Variants in INPP4A observed in about 807,000 individuals in gnomAD.
The protein encoded by INPP4A is inositol polyphosphate-4-phosphatase, type I, 107kD.
INPP4A carries 33 observed loss-of-function variants against 119.8 expected under a neutral mutation model. The observed-to-expected ratio is 0.28, with a 90% CI of 0.21 to 0.37. INPP4A has a LOEUF of 0.37. INPP4A is among the 10% of genes least tolerant of loss of function. The pLI, the probability that INPP4A is intolerant of heterozygous loss-of-function variation, is 1.00. For missense variants in INPP4A, 956 were observed against 1,289.9 expected, an observed-to-expected ratio of 0.74 and a Z score of 3.97; for synonymous variants, 496 against 500.7, an observed-to-expected ratio of 0.99 and a Z score of 0.12.
intron 1 of INPP4A, among the ~76,000 whole-genome samples, chr2:98,455,710 C>G (rs1696024295): frequency 6.6e-6 from 1 of 152,220 alleles, no homozygotes; most frequent in Non-Finnish European, 1.5e-5. Context: ...AAGACACACA[C>G]ACACATACAA....
At chr2:98,545,368 T>C (rs1692283498) in intron 11 of INPP4A, among the ~76,000 whole-genome samples, 1 of 152,218 alleles carries the variant, frequency 6.6e-6, no homozygotes, top group Non-Finnish European at 1.5e-5. Context: ...TAAAATAGCG[T>C]CCAGGCTCCT....
At position 98,574,893 on chromosome 2, in the gene INPP4A, C is replaced by T. The variant is rs112534197; in HGVS notation, c.2631+1966C>T. ...AGAACAGAAAAGCAGTCCATCAAGT[C>T]CTGTATTTCTTGTTCCCAGTAGAGA... On this transcript the variant is annotated intron_variant, in intron 23 of 24. Transcript: ENST00000409851. 4.5e-3 allele frequency among the ~76,000 whole-genome samples: 683 copies of T among 152,288 alleles called. 10 individuals carry two copies. Among genetic ancestry groups the T allele is most frequent in the African/African-American group, 0.016 (659 of 41,536 alleles).
chr2:98,453,104 G>T (rs1695516515), intron 1 of INPP4A, among the ~76,000 whole-genome samples: 1 of 152,148 alleles, frequency 6.6e-6, no homozygotes, highest in Admixed American at 6.5e-5. Flanking sequence ...CACCTCCACG[G>T]TGTAATTTGT....
intron 1 of INPP4A, among the ~76,000 whole-genome samples, chr2:98,453,297 A>G (rs112374252): frequency 1.3e-5 from 2 of 152,236 alleles, no homozygotes; most frequent in South Asian, 2.1e-4. Context: ...AGGAGGAAAC[A>G]TGCTAGAGAA....
At chr2:98,512,678 C>G (rs1359027587) in intron 1 of INPP4A, among the ~76,000 whole-genome samples, 1 of 152,182 alleles carries the variant, frequency 6.6e-6, no homozygotes, top group Admixed American at 6.5e-5. Flanking sequence ...TCCTCGTGTC[C>G]TAATCACCTC....
At chr2:98,474,995 T>C (rs1676909047) in intron 1 of INPP4A, among the ~76,000 whole-genome samples, 1 of 152,142 alleles carries the variant, frequency 6.6e-6, no homozygotes, top group Non-Finnish European at 1.5e-5. Context: ...ATCAGAAGTT[T>C]TTTTTCTTTG....
At position 98,476,044 on chromosome 2, in the gene INPP4A, A is replaced by G. The variant is rs558221145; in HGVS notation, c.-166+30959A>G. ...TAGCTTTGTGGTAACAAGTCTTTGC[A>G]ATGTGATTTTGCCTATGTTTTTCTC... On this transcript the variant is annotated intron_variant, in intron 1 of 24. Transcript: ENST00000409851. Among the ~76,000 whole-genome samples the G allele has an allele frequency of 6.6e-5, 10 of 152,346 alleles. No homozygotes were observed. In the South Asian group the frequency reaches 2.1e-3, roughly 32 times the overall value.
intron 16 of INPP4A, among the ~76,000 whole-genome samples, chr2:98,557,950 C>T (rs1158259267): frequency 6.6e-6 from 1 of 152,164 alleles, no homozygotes; most frequent in Non-Finnish European, 1.5e-5. Flanking sequence ...CTCCTCATAC[C>T]CAAAGAGATG....
At chr2:98,531,212 G>A (rs1414220233) in intron 4 of INPP4A, among the ~76,000 whole-genome samples, 5 of 151,980 alleles carry the variant, frequency 3.3e-5, no homozygotes, top group African/African-American at 1.2e-4. Flanking sequence ...AACTTTAGGG[G>A]GACACAAACA....
Position 98,445,005 on chromosome 2 carries a change from G to C in INPP4A, c.-246G>C, listed in dbSNP as rs1477570403. On this transcript the variant is annotated 5_prime_UTR_variant, in exon 1 of 25. Coordinates refer to ENST00000409851, the MANE Select transcript of INPP4A (RefSeq NM_001134225.2). ...CCCGCGACTTCACAGCCAGGCGGCG[G>C]CGCTGCTGCTGCTGCGGGGCTCTGG... is the stretch of plus-strand genomic sequence containing the variant. 2 of 150,082 alleles carry C rather than the reference G, an allele frequency of 1.3e-5. No homozygotes were observed. Among genetic ancestry groups the C allele is most frequent in the Non-Finnish European group, 1.5e-5 (1 of 67,196 alleles). The allele number at this position is 150,082 out of a possible 1,614,324, so 9.3% of individuals were successfully genotyped here. A position where few individuals can be genotyped will look rare whatever the true frequency, so the allele number is the denominator to read the frequency against.
At chr2:98,504,873 A>C (rs544100287) in intron 1 of INPP4A, among the ~76,000 whole-genome samples, 1 of 152,178 alleles carries the variant, frequency 6.6e-6, no homozygotes. Flanking sequence ...TGTGGTGTTA[A>C]TCTTCAGTGC....
intron 24 of INPP4A, chr2:98,581,476 CCT>C (rs1291272899): frequency 3.8e-5 from 45 of 1,173,124 alleles, no homozygotes; most frequent in African/African-American, 4.8e-5. Flanking sequence ...TTTATCCCAT[CCT>C]TTTTGATAAA....
chr2:98,483,724 C>T (rs1280535463), intron 1 of INPP4A, among the ~76,000 whole-genome samples: 1 of 152,188 alleles, frequency 6.6e-6, no homozygotes, highest in African/African-American at 2.4e-5. Flanking sequence ...TCAGTCCTTT[C>T]TCTTCCTGTC....
chr2:98,469,332 A>G (rs1346979763), intron 1 of INPP4A, among the ~76,000 whole-genome samples: 1 of 151,988 alleles, frequency 6.6e-6, no homozygotes, highest in Admixed American at 6.6e-5. Context: ...CCCCATCTCT[A>G]CTAAAAATAC....
chr2:98,554,451 C>T lies in INPP4A; in HGVS notation c.1528C>T (p.Arg510Ter), dbSNP rs1227700629. 6.2e-7 allele frequency: 1 copy of T among 1,613,848 alleles called. No individual in the cohort carries two copies. The highest frequency in any genetic ancestry group is 8.5e-7 in the Non-Finnish European group (1 of 1,179,868). ...LMARWTGRNS[R>*]SSLQVDWHEE... ...GGCCCGGTGGACAGGGAGAAACAGC[C>T]GATCTTCCCTGCAGGTGGACTGGCA... Residue 510 changes from arginine (R) to a stop codon, truncating the protein, a stop_gained, in exon 15 of 25, where the codon CGA becomes TGA. Coordinates refer to ENST00000409851, the MANE Select transcript of INPP4A (RefSeq NM_001134225.2). LOFTEE classifies it high-confidence loss of function. This position sits in a 1 kb window ranked among gnomAD's most constrained non-coding sequence, Gnocchi z 4.7.
Position 98,552,705 on chromosome 2 carries a change from A to G in INPP4A, c.1164-81A>G, listed in dbSNP as rs370972585. The G allele has an allele frequency of 8.1e-4, 920 of 1,140,148 alleles. 2 individuals carry two copies. Among genetic ancestry groups the G allele is most frequent in the South Asian group, 2.5e-3 (201 of 78,872 alleles). The allele number at this position is 1,140,148 out of a possible 1,614,324, so 70.6% of individuals were successfully genotyped here. On this transcript the variant is annotated intron_variant, in intron 13 of 24. Transcript: ENST00000409851. The stretch of plus-strand genomic sequence containing the variant: ...CACAGAACACTTCATCTTAGGGTCA[A>G]TTGTGGCTGGGGTTGGAATGATGCT...
At chr2:98,580,598 C>T (rs959600338) in intron 24 of INPP4A, among the ~76,000 whole-genome samples, 3 of 152,232 alleles carry the variant, frequency 2.0e-5, no homozygotes, top group Admixed American at 6.5e-5. Flanking sequence ...GTCGGTGCTC[C>T]GCAGCTTGGG....
chr2:98,454,131 C>T (rs1695680282), intron 1 of INPP4A, among the ~76,000 whole-genome samples: 1 of 152,080 alleles, frequency 6.6e-6, no homozygotes, highest in Admixed American at 6.6e-5. Flanking sequence ...CTCTGGATGC[C>T]AGATGGGTCC....
intron 19 of INPP4A, 82 bp downstream of exon 19, chr2:98,564,845 A>G: frequency 7.0e-7 from 1 of 1,430,666 alleles, no homozygotes; most frequent in Non-Finnish European, 9.3e-7. Flanking sequence ...TTCTCACTAT[A>G]CCAGTAATGC....
Sources: gnomAD v4.1 joint callset for allele counts (sites outside exome capture counted in the v4.1 genomes callset) on GRCh38, gnomAD v4.1.1 for gene constraint, Gnocchi (gnomAD v3.1) non-coding constraint, MANE v1.5 for transcripts, NCBI Gene and HGNC (gene_info 2026-07-23, HGNC 2026-07-21) for gene names.